The following MCM8 variants were observed in gnomAD, a reference collection of about 807,000 sequenced individuals.
MCM8 encodes DNA helicase MCM8.
A neutral mutation model predicts 98.9 loss-of-function variants in MCM8; 85 were observed. The observed-to-expected ratio is 0.86, with a 90% confidence interval of 0.72 to 1.03. The LOEUF is 1.03. Ranked by LOEUF, MCM8 falls within the 50% of genes least tolerant of loss-of-function variation. The pLI, the probability that MCM8 is intolerant of heterozygous loss-of-function variation, is 0.00. For synonymous variants in MCM8, 352 were observed against 338.6 expected, an observed-to-expected ratio of 1.04 and a Z score of -0.44; for missense variants, 951 against 997.8, an observed-to-expected ratio of 0.95 and a Z score of 0.63.
chr20:5,958,875 G>A, intron 7 of MCM8, 149 bp downstream of exon 7: 1 of 744,762 alleles, frequency 1.3e-6, no homozygotes, highest in Admixed American at 3.0e-5. Flanking sequence ...ATACTTCAGG[G>A]TAAGAAAAAT....
In MCM8 at chr20:5,967,675, T is replaced by C. The variant is rs548880456; in HGVS notation, c.1027+88T>C. 96 of 1,452,292 alleles carry C rather than the reference T, an allele frequency of 6.6e-5. 1 individual carries two copies. The African/African-American group carries it at 1.2e-3, about 18-fold the overall frequency. The allele number at this position is 1,452,292 out of a possible 1,614,324, so 90.0% of individuals were successfully genotyped here. A position where few individuals can be genotyped will look rare whatever the true frequency, so the allele number is the denominator to read the frequency against. ...TAAGATGCTCCTGAACCTCAAATAA[T>C]TTGAGGAATTTCTTGTTGCTTACAT... On this transcript the variant is annotated intron_variant, in intron 9 of 18. Transcript: ENST00000610722.
intron 8 of MCM8, 39 bp downstream of exon 8, chr20:5,963,398 A>G (rs2089198538): frequency 6.9e-7 from 1 of 1,455,482 alleles, no homozygotes; most frequent in East Asian, 2.3e-5. Context: ...CAGGCTTTAG[A>G]TGTCACACTG....
intron 13 of MCM8, among the ~76,000 whole-genome samples, chr20:5,979,351 G>T (rs1430532454): frequency 6.6e-6 from 1 of 151,932 alleles, no homozygotes; most frequent in East Asian, 1.9e-4. Flanking sequence ...TGGTGATCTT[G>T]TATCGTTTCA....
intron 12 of MCM8, among the ~76,000 whole-genome samples, chr20:5,975,152 C>T (rs1011492088): frequency 6.6e-6 from 1 of 152,072 alleles, no homozygotes; most frequent in African/African-American, 2.4e-5. Flanking sequence ...CCTGCTACTC[C>T]GGAGGCTGCA....
chr20:5,954,048 C>G (rs938721269), intron 3 of MCM8, among the ~76,000 whole-genome samples: 1 of 152,054 alleles, frequency 6.6e-6, no homozygotes, highest in Non-Finnish European at 1.5e-5. Context: ...AGATGGAGTT[C>G]AAGAGGTGCC....
At chr20:5,989,948 C>G (rs2089814462) in intron 17 of MCM8, among the ~76,000 whole-genome samples, 1 of 152,158 alleles carries the variant, frequency 6.6e-6, no homozygotes, top group Non-Finnish European at 1.5e-5. Flanking sequence ...ATTGGTGGCA[C>G]CAAAGTAACT....
chr20:5,953,674 C>T (rs1181785273), intron 3 of MCM8, among the ~76,000 whole-genome samples: 2 of 151,916 alleles, frequency 1.3e-5, no homozygotes, highest in Non-Finnish European at 2.9e-5. Context: ...GGGGTTTCAC[C>T]GTGTTAGCTA....
At chr20:5,952,610 A>G in intron 3 of MCM8, 82 bp downstream of exon 3, 2 of 1,126,020 alleles carry the variant, frequency 1.8e-6, no homozygotes, top group Non-Finnish European at 2.6e-6. Flanking sequence ...GTATTACTGT[A>G]ATTCATTTAC....
chr20:5,967,340 T>C (rs1483515749), intron 8 of MCM8, 96 bp from the exon 9 acceptor site: 1 of 1,081,182 alleles, frequency 9.2e-7, no homozygotes, highest in Non-Finnish European at 1.3e-6. Context: ...AATCTGCTTT[T>C]ATCTTCCTCA....
intron 7 of MCM8, among the ~76,000 whole-genome samples, chr20:5,962,216 G>A (rs903392941): frequency 6.6e-6 from 1 of 152,218 alleles, no homozygotes; most frequent in African/African-American, 2.4e-5. Flanking sequence ...AAGAAGTGCA[G>A]TTGGTAGGCA....
rs762234877 is a variant in MCM8 at position 5,993,620 on chromosome 20, C to T, written c.2355C>T (p.Asn785=). The change falls in exon 18 of 19, where the codon AAC becomes AAT. Residue 785 remains asparagine (N), a synonymous_variant. Coordinates refer to ENST00000610722, the MANE Select transcript of MCM8 (RefSeq NM_032485.6). ...AAAGATTTATTTCTGCTCTCAACAACGTTGCTGAAAGAACTTATAATAATA... is the reference window on the plus strand; with the variant it reads ...AAAGATTTATTTCTGCTCTCAACAATGTTGCTGAAAGAACTTATAATAATA... ...TAKRFISALN[N]VAERTYNNIF... The T allele has an allele frequency of 5.0e-6, 8 of 1,611,956 alleles. No individual in the cohort carries two copies. The African/African-American group carries it at 6.7e-5, about 13-fold the overall frequency.
intron 12 of MCM8, 124 bp downstream of exon 12, chr20:5,973,320 A>T: frequency 8.0e-7 from 1 of 1,246,790 alleles, no homozygotes; most frequent in Non-Finnish European, 1.1e-6. Flanking sequence ...GGCGTAAATG[A>T]ATTGGAATTT....
rs899127829 is a variant in MCM8 at position 5,997,686 on chromosome 20, C to T, written c.*3295C>T. The stretch of plus-strand genomic sequence containing the variant: ...CTGGAGTGCAGTGACATGATCAAGC[C>T]GTGATCTCCTGGGCTCAAGCAATCC... On this transcript the variant is annotated 3_prime_UTR_variant, in exon 19 of 19. Transcript: ENST00000610722. 3 of 152,236 alleles carry T rather than the reference C, an allele frequency of 2.0e-5. No individual in the cohort carries two copies. The highest frequency in any genetic ancestry group is 6.5e-5 in the Admixed American group (1 of 15,276). 9.4% of individuals were successfully genotyped at this position (152,236 alleles called of 1,614,324 possible).
chr20:5,967,253 A>G (rs2089294523), intron 8 of MCM8, among the ~76,000 whole-genome samples, 183 bp from the exon 9 acceptor site: 1 of 152,226 alleles, frequency 6.6e-6, no homozygotes, highest in Non-Finnish European at 1.5e-5. Flanking sequence ...CTAGGCAAAT[A>G]CATATGTTCA....
intron 15 of MCM8, among the ~76,000 whole-genome samples, 167 bp from the exon 16 acceptor site, chr20:5,985,755 A>G (rs1411324752): frequency 6.6e-6 from 1 of 152,148 alleles, no homozygotes; most frequent in Non-Finnish European, 1.5e-5. Flanking sequence ...TGTGTTGGCC[A>G]GGCTAGTCTT....
chr20:5,950,723 A>C lies in MCM8; in HGVS notation c.-306A>C. 3.9e-6 allele frequency: 1 copy of C among 255,188 alleles called. No homozygotes were observed. The highest frequency in any genetic ancestry group is 7.6e-6 in the Non-Finnish European group (1 of 131,464). 15.8% of individuals were successfully genotyped at this position (255,188 alleles called of 1,614,324 possible). A position where few individuals can be genotyped will look rare whatever the true frequency, so the allele number is the denominator to read the frequency against. On this transcript the variant is annotated 5_prime_UTR_variant, in exon 1 of 19. Coordinates refer to ENST00000610722, the MANE Select transcript of MCM8 (RefSeq NM_032485.6). ...GGAAGACCTGATTTTCGCTTGAGGC[A>C]TTTTTGCGGCGCTGTGCGCTACAGA... is the stretch of plus-strand genomic sequence containing the variant.
At position 5,987,353 on chromosome 20, in the gene MCM8, A is replaced by G; in HGVS notation, c.2235A>G (p.Lys745=). ...EDAEDIVEIM[K]YSMLGTYSDE... Reference sequence around the variant, plus strand: ...CTGAGGATATAGTGGAAATTATGAAATATAGGTAAGATAAAAATTTCAAAT... The same window carrying G: ...CTGAGGATATAGTGGAAATTATGAAGTATAGGTAAGATAAAAATTTCAAAT... Residue 745 remains lysine (K), a synonymous_variant, in exon 17 of 19, where the codon AAA becomes AAG. Coordinates refer to ENST00000610722, the MANE Select transcript of MCM8 (RefSeq NM_032485.6). 2 of 1,607,784 alleles carry G rather than the reference A, an allele frequency of 1.2e-6. No individual in the cohort carries two copies. Among genetic ancestry groups the G allele is most frequent in the South Asian group, 2.2e-5 (2 of 89,378 alleles).
In MCM8 at chr20:5,994,658, G is replaced by A. The variant is rs186725332; in HGVS notation, c.*267G>A. 1.1e-4 allele frequency: 52 copies of A among 486,628 alleles called. No homozygotes were observed. The Admixed American group carries it at 1.1e-3, about 10-fold the overall frequency. The allele number at this position is 486,628 out of a possible 1,614,324, so 30.1% of individuals were successfully genotyped here. A position where few individuals can be genotyped will look rare whatever the true frequency, so the allele number is the denominator to read the frequency against. On this transcript the variant is annotated 3_prime_UTR_variant, in exon 19 of 19. Coordinates refer to ENST00000610722, the MANE Select transcript of MCM8 (RefSeq NM_032485.6). Reference sequence around the variant, plus strand: ...CTCACACTGTAATCACAGTGACTCAGGAGGCTGAGGTGAGAGGATTCCTTG... The same window carrying A: ...CTCACACTGTAATCACAGTGACTCAAGAGGCTGAGGTGAGAGGATTCCTTG...
intron 8 of MCM8, chr20:5,964,481 G>T (rs938788135): frequency 6.6e-6 from 1 of 152,204 alleles, no homozygotes; most frequent in Non-Finnish European, 1.5e-5. Context: ...TATGAGTATG[G>T]TAGAGCCTGA....
Sources: allele counts gnomAD v4.1 joint callset (sites outside exome capture counted in the v4.1 genomes callset), GRCh38; gene constraint gnomAD v4.1.1; transcripts MANE v1.5; gene names NCBI Gene and HGNC (gene_info 2026-07-23, HGNC 2026-07-21).